KCNH1: variants seen among roughly 807,000 people sequenced by gnomAD.
The protein encoded by KCNH1 is potassium voltage-gated channel subfamily H member 1.
In KCNH1, 27 loss-of-function variants were observed where a neutral mutation model predicts 69.2. The observed-to-expected ratio is 0.39, with a 90% CI of 0.29 to 0.54. The LOEUF (loss-of-function observed/expected upper bound fraction) is 0.54, where lower values mean the gene tolerates loss of function less well. KCNH1 is among the 20% of genes least tolerant of loss of function. The pLI, the probability that KCNH1 is intolerant of heterozygous loss-of-function variation, is 0.68. For synonymous variants in KCNH1, 456 were observed against 487.7 expected, an observed-to-expected ratio of 0.93 and a Z score of 0.86; for missense variants, 798 against 1,261.6, an observed-to-expected ratio of 0.63 and a Z score of 5.57.
intron 7 of KCNH1, among the ~76,000 whole-genome samples, chr1:210,847,399 C>T (rs1685581072): frequency 1.3e-5 from 2 of 152,124 alleles, no homozygotes; most frequent in Non-Finnish European, 2.9e-5. Context: ...ACTATGCAGC[C>T]ATAAAAAATG....
At chr1:210,913,745 G>A (rs928989235) in intron 7 of KCNH1, among the ~76,000 whole-genome samples, 1 of 152,110 alleles carries the variant, frequency 6.6e-6, no homozygotes, top group Non-Finnish European at 1.5e-5. Context: ...TGACACTACT[G>A]GTCATCCCCC....
At chr1:210,770,397 G>A (rs1683731878) in intron 10 of KCNH1, among the ~76,000 whole-genome samples, 1 of 152,198 alleles carries the variant, frequency 6.6e-6, no homozygotes, top group African/African-American at 2.4e-5. Context: ...AACCTAATTA[G>A]GAAGGACTTG....
intron 5 of KCNH1, among the ~76,000 whole-genome samples, chr1:211,055,002 A>G (rs1379380514): frequency 6.6e-6 from 1 of 152,188 alleles, no homozygotes; most frequent in East Asian, 1.9e-4. Flanking sequence ...TGGAAGCCAC[A>G]TCAAGACAGT....
At chr1:210,725,488 G>T (rs1682566950) in intron 10 of KCNH1, among the ~76,000 whole-genome samples, 1 of 152,144 alleles carries the variant, frequency 6.6e-6, no homozygotes, top group Non-Finnish European at 1.5e-5. Flanking sequence ...ATAACCCAAT[G>T]GGTGGCTAAA....
rs1685839638 is a variant in KCNH1 at position 210,856,464 on chromosome 1, T to C, written c.1463-52298A>G. The stretch of plus-strand genomic sequence containing the variant: ...ACAGCTTACCTGAAGGGTGAGGTGA[T>C]GAGAAAGTTGAGCAAGATGAAACAT... On this transcript the variant is annotated intron_variant, in intron 7 of 10. Coordinates refer to ENST00000271751, the MANE Select transcript of KCNH1 (RefSeq NM_172362.3). 2.6e-5 allele frequency among the ~76,000 whole-genome samples: 4 copies of C among 152,122 alleles called. No homozygotes were observed. The South Asian group carries it at 8.3e-4, about 31-fold the overall frequency.
At chr1:211,000,069 AAAAACTGGAAGCATTCCCTTTG>A (rs1202408302) in intron 6 of KCNH1, among the ~76,000 whole-genome samples, 1 of 152,222 alleles carries the variant, frequency 6.6e-6, no homozygotes, top group East Asian at 1.9e-4. Context: ...CTGAATGGGC[AAAAACTGGAAGCATTCCCTTTG>A]AAAACTGGCA....
chr1:210,713,733 A>G (rs1014829811), intron 10 of KCNH1, among the ~76,000 whole-genome samples: 6 of 152,152 alleles, frequency 3.9e-5, no homozygotes, highest in Non-Finnish European at 1.5e-5. Context: ...GCCCAATTCA[A>G]ATGCCACCTC....
At chr1:211,009,611 T>C (rs1333529409) in intron 6 of KCNH1, among the ~76,000 whole-genome samples, 47 of 151,360 alleles carry the variant, frequency 3.1e-4, no homozygotes, top group African/African-American at 1.1e-3. Flanking sequence ...TTTTCTTTTT[T>C]TTTTTCTTTT....
intron 6 of KCNH1, among the ~76,000 whole-genome samples, chr1:210,954,714 T>C (rs1688134216): frequency 2.6e-5 from 4 of 152,242 alleles, no homozygotes; most frequent in Non-Finnish European, 5.9e-5. Context: ...TTTTCAGAAG[T>C]GTCTGTTCAT....
intron 10 of KCNH1, among the ~76,000 whole-genome samples, chr1:210,709,719 A>AG (rs879327459): frequency 0.021 from 2,818 of 131,946 alleles, 85 homozygotes; most frequent in Admixed American, 0.071. Flanking sequence ...GAAAGAAAGA[A>AG]AGAAGAGAGA....
At chr1:210,981,575 A>T (rs2102377928) in intron 6 of KCNH1, among the ~76,000 whole-genome samples, 1 of 152,204 alleles carries the variant, frequency 6.6e-6, no homozygotes, top group Non-Finnish European at 1.5e-5. Flanking sequence ...AGCTATAAAT[A>T]CTATCTCTAT....
At chr1:211,053,518 C>A (rs1204242102) in intron 5 of KCNH1, among the ~76,000 whole-genome samples, 1 of 152,156 alleles carries the variant, frequency 6.6e-6, no homozygotes, top group African/African-American at 2.4e-5. Flanking sequence ...AATCTCTATT[C>A]CATATCTCAA....
Position 210,797,722 on chromosome 1 carries a change from G to A in KCNH1, c.1701C>T (p.Ile567=), listed in dbSNP as rs1251165546. The change falls in exon 9 of 11, where the codon ATC becomes ATT. Residue 567 remains isoleucine, a synonymous_variant. Transcript: ENST00000271751. ...ACACCTTGCGGTTCAGGTGCACGCAGATGTCGGCTCTCATGTCCTTGGGGC... is the reference window on the plus strand; with the variant it reads ...ACACCTTGCGGTTCAGGTGCACGCAAATGTCGGCTCTCATGTCCTTGGGGC... ...QICPKDMRAD[I]CVHLNRKVFK... 1.2e-5 allele frequency: 19 copies of A among 1,613,984 alleles called. No homozygotes were observed. The highest frequency in any genetic ancestry group is 1.5e-5 in the Non-Finnish European group (18 of 1,179,944).
At chr1:210,858,314 A>T (rs1237912749) in intron 7 of KCNH1, 1 of 152,232 alleles carries the variant, frequency 6.6e-6, no homozygotes, top group Admixed American at 6.5e-5. Context: ...AACAGGACAC[A>T]GAGGGAGTTG....
chr1:210,911,037 G>A (rs557598453), intron 7 of KCNH1, among the ~76,000 whole-genome samples: 2 of 151,686 alleles, frequency 1.3e-5, no homozygotes, highest in East Asian at 3.9e-4. Context: ...TAACTGTGGA[G>A]AAAATACCAT....
At chr1:210,869,484 CGTGTGTGTGTGTGTGTGTGT>C (rs61235458) in intron 7 of KCNH1, among the ~76,000 whole-genome samples, 5 of 136,930 alleles carry the variant, frequency 3.7e-5, no homozygotes, top group African/African-American at 1.4e-4. Context: ...AGTTATAAGT[CGTGTGTGTGTGTGTGTGTGT>C]GTGTGTGTGT....
intron 5 of KCNH1, among the ~76,000 whole-genome samples, chr1:211,042,303 T>C (rs1690009968): frequency 6.6e-6 from 1 of 152,180 alleles, no homozygotes. Context: ...ATCTATCTAT[T>C]TTTTTACTTG....
chr1:210,896,474 TCC>T (rs1686869814), intron 7 of KCNH1, among the ~76,000 whole-genome samples: 1 of 152,184 alleles, frequency 6.6e-6, no homozygotes, highest in Non-Finnish European at 1.5e-5. Context: ...AGGGTTTTCT[TCC>T]TTTGTTTTTT....
At chr1:210,986,376 C>A (rs1032255268) in intron 6 of KCNH1, among the ~76,000 whole-genome samples, 8 of 152,180 alleles carry the variant, frequency 5.3e-5, no homozygotes, top group Admixed American at 6.5e-5. Context: ...TTCTTCCTAG[C>A]CTTGATGGTC....
Sources: allele counts gnomAD v4.1 joint callset (sites outside exome capture counted in the v4.1 genomes callset), GRCh38; gene constraint gnomAD v4.1.1; transcripts MANE v1.5; gene names NCBI Gene and HGNC (gene_info 2026-07-23, HGNC 2026-07-21).